RPA3: variants seen among roughly 807,000 people sequenced by gnomAD.
The protein encoded by RPA3 is replication protein A3.
Under a neutral mutation model 13.7 loss-of-function variants are expected in RPA3, and 24 were observed. That is an observed-to-expected ratio of 1.75 (90% CI 1.27 to 2.46). RPA3 has a LOEUF of 2.46. Among genes scored for constraint, RPA3 ranks in the 30% most tolerant of loss-of-function variants. RPA3 has a pLI of 0.00. For synonymous variants in RPA3, 59 were observed against 51.2 expected, an observed-to-expected ratio of 1.15 and a Z score of -0.65; for missense variants, 183 against 151.0, an observed-to-expected ratio of 1.21 and a Z score of -1.11.
At chr7:7,681,118 T>A (rs1225968702) in intron 4 of RPA3, among the ~76,000 whole-genome samples, 3 of 152,226 alleles carry the variant, frequency 2.0e-5, no homozygotes, top group Non-Finnish European at 4.4e-5. Context: ...TAGCAACAAC[T>A]TTTTATCAAT....
chr7:7,639,409 T>C (rs1431348204), intron 5 of RPA3, among the ~76,000 whole-genome samples: 1 of 152,214 alleles, frequency 6.6e-6, no homozygotes, highest in African/African-American at 2.4e-5. Flanking sequence ...ATGGCAACCC[T>C]ATTCTGATAA....
chr7:7,680,384 T>C (rs909983667), intron 4 of RPA3, among the ~76,000 whole-genome samples: 1 of 152,144 alleles, frequency 6.6e-6, no homozygotes, highest in African/African-American at 2.4e-5. Context: ...CTGTATTTGG[T>C]TCCATTCGTC....
chr7:7,671,091 G>C (rs544147488), intron 4 of RPA3, among the ~76,000 whole-genome samples: 6 of 152,220 alleles, frequency 3.9e-5, no homozygotes, highest in South Asian at 4.2e-4. Context: ...GGTGTCTAAG[G>C]GTTGTTTTAA....
intron 6 of RPA3, 142 bp downstream of exon 6, chr7:7,638,928 G>C (rs906502734): frequency 3.6e-5 from 19 of 526,664 alleles, no homozygotes; most frequent in Middle Eastern, 3.4e-4. Flanking sequence ...AATAGTACAA[G>C]AATTAAATTT....
chr7:7,638,225 C>T lies in RPA3; in HGVS notation c.175-253G>A, dbSNP rs28916309. The T allele has an allele frequency of 6.8e-4, 229 of 337,498 alleles. 1 individual carries two copies. Among genetic ancestry groups the T allele is most frequent in the African/African-American group, 4.3e-3 (209 of 48,384 alleles). The allele number at this position is 337,498 out of a possible 1,614,324, so 20.9% of individuals were successfully genotyped here. A position where few individuals can be genotyped will look rare whatever the true frequency, so the allele number is the denominator to read the frequency against. The stretch of plus-strand genomic sequence containing the variant: ...ACAATTCAAGTTAAAGACAAAATCA[C>T]TATTGAAAACGTCCAGCATTTCTAT... On this transcript the variant is annotated intron_variant, in intron 6 of 7. Coordinates refer to ENST00000223129, the MANE Select transcript of RPA3 (RefSeq NM_002947.5).
chr7:7,672,185 G>C (rs1443036742), intron 4 of RPA3, among the ~76,000 whole-genome samples: 1 of 152,158 alleles, frequency 6.6e-6, no homozygotes, highest in Non-Finnish European at 1.5e-5. Flanking sequence ...GCTGCCACCA[G>C]GATTATTCTT....
In RPA3 at chr7:7,666,799, A is replaced by AATTT. The variant is rs569034034; in HGVS notation, c.-758+19027_-758+19030dup. On this transcript the variant is annotated intron_variant, in intron 4 of 7. Coordinates refer to ENST00000223129, the MANE Select transcript of RPA3 (RefSeq NM_002947.5). Reference sequence around the variant, plus strand: ...CCCATTTTTGTGGTTTGGACAGATGAATTTATTTATTTATTTATTGTTTGA... The same window carrying AATTT: ...CCCATTTTTGTGGTTTGGACAGATGAATTTATTTATTTATTTATTTATTGTTTGA... Among the ~76,000 whole-genome samples the AATTT allele has an allele frequency of 2.7e-3, 417 of 151,670 alleles. 2 individuals carry two copies. The highest frequency in any genetic ancestry group is 9.2e-3 in the African/African-American group (382 of 41,340).
chr7:7,717,563 C>G (rs28912676), intron 1 of RPA3, among the ~76,000 whole-genome samples: 1,610 of 152,134 alleles, frequency 0.011, 23 homozygotes, highest in African/African-American at 0.034. Flanking sequence ...TTATGATTTC[C>G]CACTTTAACT....
chr7:7,689,863 C>T (rs868588661), intron 2 of RPA3, among the ~76,000 whole-genome samples: 1 of 152,130 alleles, frequency 6.6e-6, no homozygotes, highest in African/African-American at 2.4e-5. Flanking sequence ...CATATTACTG[C>T]TACAAAGCAG....
chr7:7,700,696 T>C (rs1213874448), intron 2 of RPA3, among the ~76,000 whole-genome samples: 1 of 152,206 alleles, frequency 6.6e-6, no homozygotes, highest in Non-Finnish European at 1.5e-5. Flanking sequence ...AAGACCAGCC[T>C]GGCCAACATG....
chr7:7,675,724 A>G (rs558511353), intron 4 of RPA3, among the ~76,000 whole-genome samples: 102 of 152,330 alleles, frequency 6.7e-4, no homozygotes, highest in African/African-American at 2.4e-3. Flanking sequence ...ACCCAGCACC[A>G]TATGTCTAGC....
Position 7,639,559 on chromosome 7 carries a change from T to G in RPA3, c.100-415A>C, listed in dbSNP as rs546014845. On this transcript the variant is annotated intron_variant, in intron 5 of 7. Transcript: ENST00000223129. ...ACTGGTTGCTAGAATATCTGGGTCC[T>G]ACTCCTGGGAAGCAGCTGTAAAGAG... Among the ~76,000 whole-genome samples, 4 of 152,320 alleles carry G rather than the reference T, an allele frequency of 2.6e-5. No individual in the cohort carries two copies. The South Asian group carries it at 8.3e-4, about 32-fold the overall frequency.
intron 2 of RPA3, among the ~76,000 whole-genome samples, chr7:7,690,854 C>T (rs1563126049): frequency 1.3e-5 from 2 of 152,062 alleles, no homozygotes; most frequent in South Asian, 4.1e-4. Flanking sequence ...AAATTTTCAC[C>T]ACAGAAATTC....
At chr7:7,700,928 T>G (rs1780445942) in intron 2 of RPA3, among the ~76,000 whole-genome samples, 1 of 152,082 alleles carries the variant, frequency 6.6e-6, no homozygotes, top group Non-Finnish European at 1.5e-5. Context: ...TGCATACCTG[T>G]AGTCCCACCT....
chr7:7,687,882 C>A (rs1027640999), intron 2 of RPA3, among the ~76,000 whole-genome samples: 1 of 152,142 alleles, frequency 6.6e-6, no homozygotes. Flanking sequence ...ATTTATGGAA[C>A]GACTTATTTT....
At chr7:7,669,892 C>A (rs541939534) in intron 4 of RPA3, among the ~76,000 whole-genome samples, 2 of 152,126 alleles carry the variant, frequency 1.3e-5, no homozygotes, top group African/African-American at 2.4e-5. Context: ...CATGCCTACA[C>A]GTTTCTTGAC....
At chr7:7,707,802 T>C (rs1780643994) in intron 2 of RPA3, among the ~76,000 whole-genome samples, 1 of 152,218 alleles carries the variant, frequency 6.6e-6, no homozygotes, top group South Asian at 2.1e-4. Context: ...ACTTGAAATA[T>C]AAAGATGCTT....
intron 6 of RPA3, chr7:7,638,176 A>T: frequency 2.2e-6 from 1 of 462,414 alleles, no homozygotes; most frequent in Non-Finnish European, 3.9e-6. Flanking sequence ...TGCTACCTTT[A>T]GCAGTAGCTT....
chr7:7,702,028 A>T (rs1235095119), intron 2 of RPA3, among the ~76,000 whole-genome samples: 2 of 152,204 alleles, frequency 1.3e-5, no homozygotes, highest in Admixed American at 1.3e-4. Context: ...TTCATATTGA[A>T]ATTCAGATAG....
Sources: gnomAD v4.1 joint callset for allele counts (sites outside exome capture counted in the v4.1 genomes callset) on GRCh38, gnomAD v4.1.1 for gene constraint, MANE v1.5 for transcripts, NCBI Gene and HGNC (gene_info 2026-07-23, HGNC 2026-07-21) for gene names.